Variants in NRXN3 observed in about 807,000 individuals in gnomAD.
The protein encoded by NRXN3 is neurexin III.
NRXN3 carries 32 observed loss-of-function variants against 137.6 expected under a neutral mutation model. The ratio of observed to expected loss-of-function variants is 0.23; its 90% confidence interval spans 0.18 to 0.31. NRXN3 has a LOEUF of 0.31. Among genes scored for constraint, NRXN3 ranks in the 10% least tolerant of loss-of-function variants. The pLI is 1.00. For missense variants in NRXN3, 1,574 were observed against 2,062.5 expected (o/e 0.76, Z 4.59); for synonymous variants, 798 against 784.5 (o/e 1.02, Z -0.29).
At position 79,091,553 on chromosome 14, in the gene NRXN3, C is replaced by T. The variant is rs2049194432; in HGVS notation, c.3262+103412C>T. 2.0e-5 allele frequency among the ~76,000 whole-genome samples: 3 copies of T among 152,046 alleles called. No individual in the cohort carries two copies. In the East Asian group the frequency reaches 5.8e-4, roughly 29 times the overall value. On this transcript the variant is annotated intron_variant, in intron 15 of 20. Coordinates refer to ENST00000335750, the MANE Select transcript of NRXN3 (RefSeq NM_001330195.2). Reference sequence around the variant, plus strand: ...TCAAGTAGCTTATCTGAGAGGTTCCCCATGGGGCGCTTTGTCCCAGGTGTT... The same window carrying T: ...TCAAGTAGCTTATCTGAGAGGTTCCTCATGGGGCGCTTTGTCCCAGGTGTT...
intron 4 of NRXN3, among the ~76,000 whole-genome samples, chr14:78,455,201 C>T (rs1197324679): frequency 6.6e-6 from 1 of 152,196 alleles, no homozygotes; most frequent in Non-Finnish European, 1.5e-5. Context: ...ATCACCAGGA[C>T]TTGGGAGTTA....
In NRXN3 at chr14:78,272,939, G is replaced by A. The variant is rs183881579; in HGVS notation, c.710-5706G>A. On this transcript the variant is annotated intron_variant, in intron 2 of 20. Transcript: ENST00000335750. ...CTGGCTGTAAACTGTCTTTTCTTCG[G>A]CAATTTACCCCCACTTTTTGTCTAT... Among the ~76,000 whole-genome samples the A allele has an allele frequency of 1.6e-3, 236 of 152,008 alleles. 1 individual carries two copies. Among genetic ancestry groups the A allele is most frequent in the South Asian group, 0.012 (56 of 4,800 alleles).
At chr14:79,748,010 C>T in intron 19 of NRXN3, among the ~76,000 whole-genome samples, 1 of 151,602 alleles carries the variant, frequency 6.6e-6, no homozygotes, top group East Asian at 1.9e-4. Flanking sequence ...AACACGTAGA[C>T]ATGGGGAGGG....
At chr14:78,234,540 A>C (rs566253573) in intron 1 of NRXN3, among the ~76,000 whole-genome samples, 1 of 152,324 alleles carries the variant, frequency 6.6e-6, no homozygotes, top group Admixed American at 6.5e-5. Flanking sequence ...TCTAGAGCCC[A>C]TGCCTTTAAC....
At chr14:78,488,618 G>A (rs1334630468) in intron 4 of NRXN3, among the ~76,000 whole-genome samples, 2 of 151,970 alleles carry the variant, frequency 1.3e-5, no homozygotes, top group Non-Finnish European at 2.9e-5. Context: ...GTTGGGAGTA[G>A]GATGAGAAAG....
At chr14:78,582,906 T>C (rs935936521) in intron 4 of NRXN3, among the ~76,000 whole-genome samples, 1 of 152,182 alleles carries the variant, frequency 6.6e-6, no homozygotes, top group Non-Finnish European at 1.5e-5. Context: ...ACAACCATCA[T>C]ATCTCTCATA....
At chr14:78,357,390 A>G (rs977674324) in intron 4 of NRXN3, among the ~76,000 whole-genome samples, 1 of 152,152 alleles carries the variant, frequency 6.6e-6, no homozygotes, top group African/African-American at 2.4e-5. Context: ...GGTTCTTCCC[A>G]CCACATGTGG....
intron 19 of NRXN3, among the ~76,000 whole-genome samples, chr14:79,738,457 C>T (rs1369874757): frequency 1.3e-5 from 2 of 152,066 alleles, no homozygotes; most frequent in African/African-American, 4.8e-5. Flanking sequence ...CTTTTAGGGT[C>T]TTCAGAGAGA....
At chr14:79,721,120 T>C (rs1476622187) in intron 19 of NRXN3, among the ~76,000 whole-genome samples, 1 of 152,182 alleles carries the variant, frequency 6.6e-6, no homozygotes, top group Non-Finnish European at 1.5e-5. Context: ...CTTACAAGAA[T>C]GTCATAAATG....
chr14:79,780,608 CTAAA>C (rs1212246957), intron 19 of NRXN3, among the ~76,000 whole-genome samples: 8 of 151,864 alleles, frequency 5.3e-5, no homozygotes, highest in Non-Finnish European at 8.8e-5. Flanking sequence ...GACTCTGTCC[CTAAA>C]TAAATAAATA....
intron 4 of NRXN3, among the ~76,000 whole-genome samples, chr14:78,442,582 C>T (rs940656692): frequency 1.3e-5 from 2 of 152,172 alleles, no homozygotes; most frequent in African/African-American, 4.8e-5. Context: ...AAAGGGTTCT[C>T]CTTCTCTGAA....
intron 15 of NRXN3, among the ~76,000 whole-genome samples, chr14:79,110,660 C>A (rs1179123242): frequency 6.6e-6 from 1 of 151,938 alleles, no homozygotes. Context: ...TGGTTTGGAT[C>A]ATTGTTCTAT....
At chr14:78,451,632 A>G (rs886188972) in intron 4 of NRXN3, among the ~76,000 whole-genome samples, 1 of 152,220 alleles carries the variant, frequency 6.6e-6, no homozygotes, top group Non-Finnish European at 1.5e-5. Context: ...CCAAAGAAAG[A>G]CTGTAATAAA....
In NRXN3 at chr14:79,761,398, A is replaced by G. The variant is rs755089022; in HGVS notation, c.4015-43714A>G. 1.3e-4 allele frequency among the ~76,000 whole-genome samples: 20 copies of G among 151,586 alleles called. 1 individual carries two copies. The highest frequency in any genetic ancestry group is 2.0e-4 in the Admixed American group (3 of 15,256). ...AGAACTGCATTCTATTTTTTTCCAA[A>G]CATCTGTTATACTCCAAAACCTTTC... On this transcript the variant is annotated intron_variant, in intron 19 of 20. Transcript: ENST00000335750.
intron 16 of NRXN3, among the ~76,000 whole-genome samples, chr14:79,504,086 C>T (rs576315312): frequency 6.6e-6 from 1 of 152,272 alleles, no homozygotes; most frequent in African/African-American, 2.4e-5. Flanking sequence ...ATAATGTACA[C>T]TCTTACCAGG....
chr14:79,448,083 T>C (rs1382240281), intron 15 of NRXN3, among the ~76,000 whole-genome samples: 2 of 152,210 alleles, frequency 1.3e-5, no homozygotes, highest in Non-Finnish European at 2.9e-5. Context: ...TGTCTTCTGC[T>C]ATCATTTGTT....
intron 15 of NRXN3, among the ~76,000 whole-genome samples, chr14:79,269,049 T>G (rs1289063300): frequency 6.6e-6 from 1 of 151,874 alleles, no homozygotes; most frequent in African/African-American, 2.4e-5. Context: ...TTTTCTTATT[T>G]TATTTTATTT....
intron 17 of NRXN3, among the ~76,000 whole-genome samples, chr14:79,674,373 A>G (rs2098629356): frequency 6.6e-6 from 1 of 152,074 alleles, no homozygotes; most frequent in Non-Finnish European, 1.5e-5. Context: ...CACAGTCAAA[A>G]TAAACACATT....
intron 9 of NRXN3, among the ~76,000 whole-genome samples, chr14:78,806,031 T>G (rs1211053271): frequency 6.8e-6 from 1 of 147,730 alleles, no homozygotes; most frequent in Non-Finnish European, 1.5e-5. Context: ...GATGTGCTTT[T>G]CCAATAGACT....
Sources: allele counts gnomAD v4.1 joint callset (sites outside exome capture counted in the v4.1 genomes callset), GRCh38; gene constraint gnomAD v4.1.1; transcripts MANE v1.5; gene names NCBI Gene and HGNC (gene_info 2026-07-23, HGNC 2026-07-21).